The following UBE2E1 variants were observed in gnomAD, a reference collection of about 807,000 sequenced individuals.
UBE2E1 encodes the protein ubiquitin-conjugating enzyme E2 E1.
UBE2E1 carries 6 observed loss-of-function variants against 21.4 expected under a neutral mutation model. The ratio of observed to expected loss-of-function variants is 0.28; its 90% CI spans 0.15 to 0.55. The LOEUF (loss-of-function observed/expected upper bound fraction) is 0.55. Among genes scored for constraint, UBE2E1 ranks in the 20% least tolerant of loss-of-function variants. The pLI, the probability that UBE2E1 is intolerant of heterozygous loss-of-function variation, is 0.93. For missense variants in UBE2E1, 142 were observed against 236.5 expected (o/e 0.60, Z 2.62); for synonymous variants, 87 against 82.7 (o/e 1.05, Z -0.28).
intron 4 of UBE2E1, chr3:23,888,136 C>A (rs1467962507): frequency 1.8e-5 from 8 of 440,294 alleles, no homozygotes; most frequent in Non-Finnish European, 3.6e-5. Context: ...AAAGGCAGGG[C>A]AGGTCAGGGG....
At chr3:23,851,456 G>T (rs1165790052) in intron 3 of UBE2E1, among the ~76,000 whole-genome samples, 1 of 152,040 alleles carries the variant, frequency 6.6e-6, no homozygotes, top group African/African-American at 2.4e-5. Context: ...TCCAGCTGGG[G>T]TTTTTACAGG....
At chr3:23,837,396 C>G (rs771347356) in intron 3 of UBE2E1, among the ~76,000 whole-genome samples, 2 of 152,164 alleles carry the variant, frequency 1.3e-5, no homozygotes, top group Non-Finnish European at 2.9e-5. Flanking sequence ...ACTTGAGAAG[C>G]TCTCAAAACT....
At chr3:23,872,381 G>GGGGAGAGGGAGA (rs562975927) in intron 3 of UBE2E1, among the ~76,000 whole-genome samples, 1 of 149,318 alleles carries the variant, frequency 6.7e-6, no homozygotes, top group South Asian at 2.2e-4. Context: ...GGAGGGGGAG[G>GGGGAGAGGGAGA]GGGAGAGGGA....
In UBE2E1 at chr3:23,808,518, G is replaced by C. The variant is rs750934339; in HGVS notation, c.152+1097G>C. On this transcript the variant is annotated intron_variant, in intron 2 of 5. Coordinates refer to ENST00000306627, the MANE Select transcript of UBE2E1 (RefSeq NM_003341.5). This position sits in a 1 kb window ranked among gnomAD's most constrained non-coding sequence, Gnocchi z 4.9. ...ACTTTAGATCTCTCCACTGAGTAGTGAGCCTGGAAGTCAGGGTTTGAGAGT... is the reference window on the plus strand; with the variant it reads ...ACTTTAGATCTCTCCACTGAGTAGTCAGCCTGGAAGTCAGGGTTTGAGAGT... 2.6e-5 allele frequency among the ~76,000 whole-genome samples: 4 copies of C among 152,216 alleles called. No homozygotes were observed. The highest frequency in any genetic ancestry group is 5.9e-5 in the Non-Finnish European group (4 of 68,040).
At chr3:23,889,569 A>G (rs1701300186) in intron 5 of UBE2E1, 4 of 1,369,030 alleles carry the variant, frequency 2.9e-6, no homozygotes, top group Non-Finnish European at 3.7e-6. Flanking sequence ...GAGTTCTTAT[A>G]AAACAAATCA....
intron 3 of UBE2E1, chr3:23,879,165 GT>G: frequency 1.4e-6 from 1 of 739,140 alleles, no homozygotes; most frequent in Non-Finnish European, 2.2e-6. Context: ...ATGAAGTTAA[GT>G]TTTAGTTTCT....
At chr3:23,834,311 C>G (rs182931914) in intron 3 of UBE2E1, among the ~76,000 whole-genome samples, 2 of 152,310 alleles carry the variant, frequency 1.3e-5, no homozygotes, top group Non-Finnish European at 2.9e-5. Flanking sequence ...ATCTATAAAT[C>G]AGAGCTAATA....
Position 23,810,437 on chromosome 3 carries a change from G to A in UBE2E1, c.153-1023G>A, listed in dbSNP as rs1357557487. The A allele has an allele frequency of 8.5e-6, 13 of 1,535,288 alleles. No individual in the cohort carries two copies. Among genetic ancestry groups the A allele is most frequent in the Non-Finnish European group, 1.1e-5 (13 of 1,146,458 alleles). On this transcript the variant is annotated intron_variant, in intron 2 of 5. Coordinates refer to ENST00000306627, the MANE Select transcript of UBE2E1 (RefSeq NM_003341.5). The surrounding 1 kb of genome is among the most constrained non-coding windows in gnomAD (Gnocchi z 5.8). ...TTGGTGCGGAGGGAGAAAACTGCAG[G>A]TCTCCAGTCTATCCCCAGTGTGAGC...
At chr3:23,882,924 A>G (rs1313300934) in intron 3 of UBE2E1, among the ~76,000 whole-genome samples, 2 of 151,818 alleles carry the variant, frequency 1.3e-5, no homozygotes, top group Non-Finnish European at 2.9e-5. Flanking sequence ...CTCCCTCCAC[A>G]CCTCCCTGCA....
At chr3:23,821,129 T>C (rs1699634387) in intron 3 of UBE2E1, among the ~76,000 whole-genome samples, 1 of 152,262 alleles carries the variant, frequency 6.6e-6, no homozygotes, top group Non-Finnish European at 1.5e-5. Context: ...ACCTGGCCTC[T>C]GGCTTGTGAA....
intron 3 of UBE2E1, among the ~76,000 whole-genome samples, chr3:23,864,852 G>T (rs1321598915): frequency 6.6e-6 from 1 of 152,248 alleles, no homozygotes; most frequent in Non-Finnish European, 1.5e-5. Flanking sequence ...TGTGTTCTGG[G>T]AGCTGAGTGG....
chr3:23,825,246 T>C (rs1699730659), intron 3 of UBE2E1, among the ~76,000 whole-genome samples: 1 of 152,198 alleles, frequency 6.6e-6, no homozygotes. Context: ...TGTGTTTCTC[T>C]GCCTGTTTAC....
chr3:23,858,787 T>C (rs1700493503), intron 3 of UBE2E1, among the ~76,000 whole-genome samples: 1 of 152,142 alleles, frequency 6.6e-6, no homozygotes, highest in South Asian at 2.1e-4. Context: ...TTGTCCTCCC[T>C]CCTCCCCACT....
intron 3 of UBE2E1, among the ~76,000 whole-genome samples, chr3:23,827,030 C>G (rs963835687): frequency 1.3e-5 from 2 of 152,072 alleles, no homozygotes; most frequent in African/African-American, 4.8e-5. Flanking sequence ...CTCCCTCTCC[C>G]CACTAATAAA....
intron 3 of UBE2E1, among the ~76,000 whole-genome samples, chr3:23,857,919 G>A (rs571252665): frequency 1.4e-4 from 21 of 152,164 alleles, no homozygotes; most frequent in Non-Finnish European, 2.8e-4. Flanking sequence ...GTGCGATCTC[G>A]GCTCACTGCA....
Position 23,839,484 on chromosome 3 carries a change from A to ATAG in UBE2E1, c.203+27976_203+27977insGTA, listed in dbSNP as rs201092195. Among the ~76,000 whole-genome samples, 91 of 151,390 alleles carry ATAG rather than the reference A, an allele frequency of 6.0e-4. No homozygotes were observed. The East Asian group carries it at 0.016, about 27-fold the overall frequency. On this transcript the variant is annotated intron_variant, in intron 3 of 5. Transcript: ENST00000306627. ...GTCTCAAAAAAAGAAAATAATAATA[A>ATAG]TAATAATAATAATTTAAAATTTTAT...
At chr3:23,859,430 C>T (rs1446354323) in intron 3 of UBE2E1, among the ~76,000 whole-genome samples, 1 of 152,178 alleles carries the variant, frequency 6.6e-6, no homozygotes, top group Non-Finnish European at 1.5e-5. Flanking sequence ...ATTACCTGCT[C>T]CCACCCTTGT....
intron 1 of UBE2E1, 83 bp from the exon 2 acceptor site, chr3:23,807,154 T>C: frequency 8.1e-7 from 1 of 1,228,730 alleles, no homozygotes; most frequent in Non-Finnish European, 1.1e-6. Context: ...CCCTGGTCAA[T>C]GCCCTCCTGA....
In UBE2E1 at chr3:23,887,490, C is replaced by T; in HGVS notation, c.204-77C>T. Reference sequence around the variant, plus strand: ...AAACAAAAGAGAGGAGAGAGGTAATCTTTCCATCTCTTTTAATACACTGTA... The same window carrying T: ...AAACAAAAGAGAGGAGAGAGGTAATTTTTCCATCTCTTTTAATACACTGTA... On this transcript the variant is annotated intron_variant, in intron 3 of 5. Coordinates refer to ENST00000306627, the MANE Select transcript of UBE2E1 (RefSeq NM_003341.5). The surrounding 1 kb of genome is among the most constrained non-coding windows in gnomAD (Gnocchi z 4.4). 1 of 1,487,614 alleles carries T rather than the reference C, an allele frequency of 6.7e-7. No homozygotes were observed. The highest frequency in any genetic ancestry group is 2.3e-5 in the East Asian group (1 of 42,922). 92.2% of individuals were successfully genotyped at this position (1,487,614 alleles called of 1,614,324 possible).
Sources: gnomAD v4.1 joint callset for allele counts (sites outside exome capture counted in the v4.1 genomes callset) on GRCh38, gnomAD v4.1.1 for gene constraint, Gnocchi (gnomAD v3.1) non-coding constraint, MANE v1.5 for transcripts, NCBI Gene and HGNC (gene_info 2026-07-23, HGNC 2026-07-21) for gene names.